The following TRAK2 variants were observed in gnomAD, a reference collection of about 807,000 sequenced individuals.
The protein encoded by TRAK2 is trafficking kinesin protein 2, also known as trafficking kinesin-binding protein 2.
TRAK2 carries 81 observed loss-of-function variants against 104.6 expected under a neutral mutation model. The ratio of observed to expected loss-of-function variants is 0.77; its 90% CI spans 0.65 to 0.93. The LOEUF (loss-of-function observed/expected upper bound fraction) is 0.93. Among genes scored for constraint, TRAK2 ranks in the 40% least tolerant of loss-of-function variants. The pLI, the probability that TRAK2 is intolerant of heterozygous loss-of-function variation, is 0.00. For missense variants in TRAK2, 1,002 were observed against 1,089.0 expected (o/e 0.92, Z 1.12); for synonymous variants, 406 against 394.4 (o/e 1.03, Z -0.35).
chr2:201,384,679 C>T (rs1951372574), intron 14 of TRAK2, among the ~76,000 whole-genome samples: 1 of 152,060 alleles, frequency 6.6e-6, no homozygotes, highest in South Asian at 2.1e-4. Context: ...ATTGATGGCT[C>T]CTCAGCACAA....
intron 4 of TRAK2, 40 bp downstream of exon 4, chr2:201,400,978 T>G (rs376360447): frequency 2.6e-6 from 4 of 1,520,634 alleles, no homozygotes; most frequent in Non-Finnish European, 3.6e-6. Context: ...GATCCTCAAG[T>G]TTTACCTTTT....
chr2:201,408,522 T>C (rs926572771), intron 2 of TRAK2, among the ~76,000 whole-genome samples: 6 of 152,212 alleles, frequency 3.9e-5, no homozygotes, highest in Non-Finnish European at 5.9e-5. Flanking sequence ...CCTGTCTTTA[T>C]AACTATGCTT....
rs754011686 is a variant in TRAK2 at position 201,407,551 on chromosome 2, C to G, written c.138G>C (p.Leu46=). The G allele has an allele frequency of 3.7e-6, 6 of 1,613,916 alleles. No individual in the cohort carries two copies. Among genetic ancestry groups the G allele is most frequent in the Non-Finnish European group, 5.1e-6 (6 of 1,179,956 alleles). The part of the protein sequence containing the change: ...EDLPEVELVS[L]LEEQLPQYRL... ...TATACTGTGGTAGTTGTTCTTCTAG[C>G]AGACTCACCAGCTCAACTTCAGGGA... The change falls in exon 3 of 16, where the codon CTG becomes CTC. Residue 46 remains leucine, a synonymous_variant. Transcript: ENST00000332624.
intron 13 of TRAK2, 79 bp downstream of exon 13, chr2:201,387,624 A>T: frequency 7.3e-7 from 1 of 1,378,564 alleles, no homozygotes; most frequent in Non-Finnish European, 9.9e-7. Context: ...TCCTATAATT[A>T]AGACACAAAT....
In TRAK2 at chr2:201,434,916, A is replaced by G. The variant is rs146646398; in HGVS notation, c.-199-14210T>C. Reference sequence around the variant, plus strand: ...GGCTTAGAAATCTGAATAACAAAGCAAATTATTATTTGCCAGTCAAAAATA... The same window carrying G: ...GGCTTAGAAATCTGAATAACAAAGCGAATTATTATTTGCCAGTCAAAAATA... On this transcript the variant is annotated intron_variant, in intron 1 of 15. Coordinates refer to ENST00000332624, the MANE Select transcript of TRAK2 (RefSeq NM_015049.3). 1.6e-3 allele frequency among the ~76,000 whole-genome samples: 246 copies of G among 152,392 alleles called. 2 individuals carry two copies. The highest frequency in any genetic ancestry group is 5.6e-3 in the African/African-American group (234 of 41,598).
rs565189071 is a variant in TRAK2 at position 201,378,012 on chromosome 2, C to T, written c.*2531G>A. ...TTGGGAGGAATCAGCTATTAGGCTC[C>T]AATTCTTCTTACTATATTTTGCAGA... On this transcript the variant is annotated 3_prime_UTR_variant, in exon 16 of 16. Coordinates refer to ENST00000332624, the MANE Select transcript of TRAK2 (RefSeq NM_015049.3). 2.0e-5 allele frequency: 3 copies of T among 152,344 alleles called. 1 individual carries two copies. In the South Asian group the frequency reaches 6.2e-4, roughly 32 times the overall value. The allele number at this position is 152,344 out of a possible 1,614,324, so 9.4% of individuals were successfully genotyped here. A position where few individuals can be genotyped will look rare whatever the true frequency, so the allele number is the denominator to read the frequency against.
chr2:201,415,617 A>T (rs1359283863), intron 2 of TRAK2, among the ~76,000 whole-genome samples: 2 of 152,174 alleles, frequency 1.3e-5, no homozygotes, highest in African/African-American at 4.8e-5. Context: ...AACAGATTAG[A>T]TATTCTCCAG....
rs553221545 is a variant in TRAK2, at chr2:201,417,530, T to G, written c.91+2887A>C. Among the ~76,000 whole-genome samples the G allele has an allele frequency of 7.9e-5, 12 of 152,254 alleles. 1 individual carries two copies. Among genetic ancestry groups the G allele is most frequent in the African/African-American group, 2.6e-4 (11 of 41,572 alleles). ...AACATTTCAACAGAGGCAAAATAAG[T>G]ATTTGACAAAATTCATGCTAAAAAT... On this transcript the variant is annotated intron_variant, in intron 2 of 15. Coordinates refer to ENST00000332624, the MANE Select transcript of TRAK2 (RefSeq NM_015049.3).
At chr2:201,427,234 T>A (rs1951797195) in intron 1 of TRAK2, among the ~76,000 whole-genome samples, 1 of 152,230 alleles carries the variant, frequency 6.6e-6, no homozygotes. Context: ...GCAGGTTTGT[T>A]ACATATGTAT....
chr2:201,397,477 C>T (rs1951512133), intron 7 of TRAK2, 25 bp downstream of exon 7: 2 of 1,580,020 alleles, frequency 1.3e-6, no homozygotes, highest in Admixed American at 1.7e-5. Flanking sequence ...CAAAAAGGTA[C>T]AAAAGAGAAT....
intron 14 of TRAK2, 141 bp from the exon 15 acceptor site, chr2:201,384,357 A>G: frequency 1.5e-6 from 1 of 668,138 alleles, no homozygotes; most frequent in Non-Finnish European, 2.6e-6. Flanking sequence ...AATGAAATAA[A>G]TATACATAAA....
intron 1 of TRAK2, among the ~76,000 whole-genome samples, chr2:201,431,949 G>C (rs765104827): frequency 1.3e-5 from 2 of 152,102 alleles, no homozygotes; most frequent in Non-Finnish European, 2.9e-5. Context: ...CTACCTCAGA[G>C]GGTTATTGGG....
chr2:201,411,141 G>T, intron 2 of TRAK2: 1 of 807,406 alleles, frequency 1.2e-6, no homozygotes, highest in Non-Finnish European at 2.1e-6. Flanking sequence ...AGAAAGGCTA[G>T]TCAAAGATGA....
intron 1 of TRAK2, among the ~76,000 whole-genome samples, chr2:201,427,789 CA>C (rs1350223535): frequency 2.0e-5 from 3 of 152,220 alleles, no homozygotes; most frequent in Non-Finnish European, 2.9e-5. Flanking sequence ...CTCCCACCAA[CA>C]GTGTAAAAGT....
At chr2:201,438,541 A>G (rs1188463965) in intron 1 of TRAK2, among the ~76,000 whole-genome samples, 1 of 152,228 alleles carries the variant, frequency 6.6e-6, no homozygotes, top group Non-Finnish European at 1.5e-5. Flanking sequence ...GCCAGGAATA[A>G]AACCCAACTA....
chr2:201,384,020 G>A (rs1418558974), intron 15 of TRAK2, 91 bp downstream of exon 15: 3 of 809,416 alleles, frequency 3.7e-6, no homozygotes, highest in Non-Finnish European at 6.2e-6. Flanking sequence ...TTAACATTCT[G>A]GAAATTAAAA....
intron 3 of TRAK2, among the ~76,000 whole-genome samples, chr2:201,403,593 G>T (rs888420662): frequency 6.6e-6 from 1 of 152,072 alleles, no homozygotes; most frequent in Non-Finnish European, 1.5e-5. Flanking sequence ...TTTAAAGTGT[G>T]AGCATATCTA....
chr2:201,400,475 A>AC (rs1460933351), intron 4 of TRAK2, among the ~76,000 whole-genome samples: 1 of 151,890 alleles, frequency 6.6e-6, no homozygotes, highest in African/African-American at 2.4e-5. Flanking sequence ...CTGGGGGGAG[A>AC]GGGGAGAAGG....
intron 3 of TRAK2, among the ~76,000 whole-genome samples, chr2:201,405,076 GGGTGATAA>G (rs1195766423): frequency 6.6e-6 from 1 of 152,180 alleles, no homozygotes; most frequent in Non-Finnish European, 1.5e-5. Flanking sequence ...CATGATGCAT[GGGTGATAA>G]GGTAATCCAC....
Sources: allele counts gnomAD v4.1 joint callset (sites outside exome capture counted in the v4.1 genomes callset), GRCh38; gene constraint gnomAD v4.1.1; transcripts MANE v1.5; gene names NCBI Gene and HGNC (gene_info 2026-07-23, HGNC 2026-07-21).